Variants in AATF observed in about 807,000 individuals in gnomAD.
AATF encodes the protein apoptosis antagonizing transcription factor.
In AATF, 48 loss-of-function variants were observed where a neutral mutation model predicts 63.7. The observed-to-expected ratio is 0.75, with a 90% CI of 0.60 to 0.96. The LOEUF is 0.96. AATF is among the 40% of genes least tolerant of loss of function. The probability of loss-of-function intolerance (pLI) is 0.00; values close to 1 mark genes in which losing one functional copy is unlikely to be tolerated. For synonymous variants in AATF, 258 were observed against 247.7 expected (o/e 1.04, Z -0.39); for missense variants, 639 against 685.7 (o/e 0.93, Z 0.76).
intron 8 of AATF, among the ~76,000 whole-genome samples, chr17:36,991,940 G>A (rs1195933352): frequency 1.3e-5 from 2 of 152,118 alleles, no homozygotes; most frequent in Admixed American, 1.3e-4. Flanking sequence ...TTCTAGCTTA[G>A]TGGAGAATAG....
intron 8 of AATF, among the ~76,000 whole-genome samples, chr17:37,000,359 C>A (rs888980417): frequency 1.3e-5 from 2 of 152,010 alleles, no homozygotes; most frequent in Non-Finnish European, 2.9e-5. Context: ...TTGCTATTTA[C>A]GGAGTTGGGA....
At chr17:36,982,232 TG>T (rs1390536979) in intron 4 of AATF, among the ~76,000 whole-genome samples, 45 of 139,952 alleles carry the variant, frequency 3.2e-4, no homozygotes, top group African/African-American at 9.1e-4. Flanking sequence ...TTTTTTGTTT[TG>T]TTTTTTTTTT....
At chr17:36,980,219 A>G (rs2071111500) in intron 4 of AATF, 3 of 152,210 alleles carry the variant, frequency 2.0e-5, no homozygotes, top group Admixed American at 2.0e-4. Flanking sequence ...TGACAGTGTC[A>G]GTTGAAATAC....
chr17:36,951,755 TTC>T (rs1470593442), intron 2 of AATF, among the ~76,000 whole-genome samples: 1 of 152,210 alleles, frequency 6.6e-6, no homozygotes, highest in African/African-American at 2.4e-5. Flanking sequence ...AAATAATAAT[TTC>T]TGTTTACTGT....
intron 4 of AATF, among the ~76,000 whole-genome samples, chr17:36,975,440 C>T (rs1367062708): frequency 6.6e-6 from 1 of 152,160 alleles, no homozygotes; most frequent in Admixed American, 6.6e-5. Flanking sequence ...TTCATATTCA[C>T]TTTACTTCGT....
intron 8 of AATF, among the ~76,000 whole-genome samples, chr17:36,997,738 G>C (rs1220511290): frequency 1.3e-5 from 2 of 152,168 alleles, no homozygotes; most frequent in African/African-American, 4.8e-5. Context: ...CTACCCAGAG[G>C]AAAAGAAGTC....
chr17:36,991,108 C>T (rs995920591), intron 8 of AATF, among the ~76,000 whole-genome samples: 1 of 152,100 alleles, frequency 6.6e-6, no homozygotes, highest in Non-Finnish European at 1.5e-5. Context: ...AGCTGTAAAA[C>T]AGTTTCAGGT....
At chr17:36,963,344 G>A (rs2070964211) in intron 4 of AATF, among the ~76,000 whole-genome samples, 1 of 152,152 alleles carries the variant, frequency 6.6e-6, no homozygotes, top group South Asian at 2.1e-4. Flanking sequence ...GTACAGGACG[G>A]TCCCTAAATT....
Position 36,988,635 on chromosome 17 carries a change from G to C in AATF, c.1064G>C (p.Arg355Pro), listed in dbSNP as rs142695431. The C allele has an allele frequency of 8.1e-6, 13 of 1,614,048 alleles. No individual in the cohort carries two copies. Among genetic ancestry groups the C allele is most frequent in the Non-Finnish European group, 1.1e-5 (13 of 1,180,042 alleles). Residue 355 changes from arginine (R) to proline (P), a missense_variant, in exon 6 of 12, where the codon CGC becomes CCC. Coordinates refer to ENST00000619387, the MANE Select transcript of AATF (RefSeq NM_012138.4). ...MEDYPSFMAK[R>P]FADFTVYRNR... ...GACTATCCCAGCTTCATGGCAAAGC[G>C]CTTTGCCGACTTTACAGTCTACAGG...
chr17:37,002,063 G>A (rs545789039), intron 8 of AATF, among the ~76,000 whole-genome samples: 11 of 152,008 alleles, frequency 7.2e-5, no homozygotes, highest in Admixed American at 2.0e-4. Context: ...TTAGCCAGGC[G>A]TGGTGGTGTA....
intron 4 of AATF, among the ~76,000 whole-genome samples, chr17:36,968,114 C>G (rs568094410): frequency 5.3e-4 from 81 of 151,688 alleles, no homozygotes; most frequent in African/African-American, 1.9e-3. Flanking sequence ...TATTACTTGG[C>G]ATCAGACTGT....
At chr17:37,011,755 A>C (rs1217824095) in intron 8 of AATF, among the ~76,000 whole-genome samples, 1 of 152,172 alleles carries the variant, frequency 6.6e-6, no homozygotes, top group Non-Finnish European at 1.5e-5. Flanking sequence ...TGCTTCAAGA[A>C]GTCTAATAGG....
rs1253365549 is a variant in AATF, at chr17:36,967,592, G to A, written c.832+13685G>A. On this transcript the variant is annotated intron_variant, in intron 4 of 11. Transcript: ENST00000619387. ...TGGGATGTGCCTTCACCGTCATCCTGGGTGTTACCTTAGCTTCTTGCTTCT... is the reference window on the plus strand; with the variant it reads ...TGGGATGTGCCTTCACCGTCATCCTAGGTGTTACCTTAGCTTCTTGCTTCT... 5.3e-5 allele frequency among the ~76,000 whole-genome samples: 8 copies of A among 152,164 alleles called. No homozygotes were observed. The South Asian group carries it at 1.4e-3, about 28-fold the overall frequency.
chr17:37,004,222 T>C (rs1386511802), intron 8 of AATF, among the ~76,000 whole-genome samples: 1 of 152,036 alleles, frequency 6.6e-6, no homozygotes, highest in Non-Finnish European at 1.5e-5. Flanking sequence ...TCCCAGCTAC[T>C]TGGGAGGCCG....
At chr17:37,031,777 A>G in intron 11 of AATF, 92 bp downstream of exon 11, 1 of 1,021,634 alleles carries the variant, frequency 9.8e-7, no homozygotes, top group Non-Finnish European at 1.6e-6. Flanking sequence ...ATTTCTTCTT[A>G]TCAGTTAACC....
intron 4 of AATF, among the ~76,000 whole-genome samples, chr17:36,956,988 A>G (rs1036918529): frequency 2.6e-5 from 4 of 151,724 alleles, no homozygotes; most frequent in Non-Finnish European, 4.4e-5. Flanking sequence ...CGAAAAAAAA[A>G]AGAGAGAGAG....
chr17:36,983,342 C>T (rs999291149), intron 4 of AATF, among the ~76,000 whole-genome samples: 2 of 151,866 alleles, frequency 1.3e-5, no homozygotes, highest in African/African-American at 4.8e-5. Context: ...CACATCAGGC[C>T]TTAGTTTTTT....
rs528200141 is a variant in AATF at position 36,963,480 on chromosome 17, A to G, written c.832+9573A>G. On this transcript the variant is annotated intron_variant, in intron 4 of 11. Transcript: ENST00000619387. Reference sequence around the variant, plus strand: ...TTATGTACAATATAAGGGATTTTCAAAGTGGTTTTGTCAAAACTTGATTTT... The same window carrying G: ...TTATGTACAATATAAGGGATTTTCAGAGTGGTTTTGTCAAAACTTGATTTT... 7.2e-5 allele frequency among the ~76,000 whole-genome samples: 11 copies of G among 152,338 alleles called. No individual in the cohort carries two copies. The South Asian group carries it at 1.9e-3, about 26-fold the overall frequency.
Position 36,989,301 on chromosome 17 carries a change from G to A in AATF, c.1204G>A (p.Asp402Asn). The A allele has an allele frequency of 6.2e-7, 1 of 1,614,012 alleles. No individual in the cohort carries two copies. The highest frequency in any genetic ancestry group is 8.5e-7 in the Non-Finnish European group (1 of 1,179,974). The change falls in exon 7 of 12, where the codon GAC becomes AAC. Residue 402 changes from aspartate to asparagine, a missense_variant. By Grantham distance (23) the Asp-to-Asn change is conservative (BLOSUM62 1). Coordinates refer to ENST00000619387, the MANE Select transcript of AATF (RefSeq NM_012138.4). The stretch of plus-strand genomic sequence containing the variant: ...GACTCAGATCGACCATATTCTGATG[G>A]ACAAAGAGAGATTACTTCGAAGGAC... ...ILTQIDHILM[D>N]KERLLRRTQT...
Sources: allele counts gnomAD v4.1 joint callset (sites outside exome capture counted in the v4.1 genomes callset), GRCh38; gene constraint gnomAD v4.1.1; transcripts MANE v1.5; gene names NCBI Gene and HGNC (gene_info 2026-07-23, HGNC 2026-07-21).